Variants in AGO2 observed in about 807,000 individuals in gnomAD.
AGO2 encodes the protein argonaute RISC catalytic component 2.
A neutral mutation model predicts 102.3 loss-of-function variants in AGO2; 5 were observed. The observed-to-expected ratio is 0.05, with a 90% CI of 0.03 to 0.10. The LOEUF is 0.10. Among genes scored for constraint, AGO2 ranks in the 10% least tolerant of loss-of-function variants. The pLI is 1.00. For missense variants in AGO2, 541 were observed against 1,183.7 expected (o/e 0.46, Z 7.97); for synonymous variants, 449 against 473.1 (o/e 0.95, Z 0.66).
upstream of AGO2, among the ~76,000 whole-genome samples, chr8:140,638,514 G>A (rs1167993519): frequency 6.6e-6 from 1 of 152,184 alleles, no homozygotes; most frequent in Non-Finnish European, 1.5e-5. Flanking sequence ...AGGTTCCGTG[G>A]AGCATAATTT....
At chr8:140,630,409 C>T (rs926003717) in intron 1 of AGO2, among the ~76,000 whole-genome samples, 3 of 152,156 alleles carry the variant, frequency 2.0e-5, no homozygotes, top group African/African-American at 7.2e-5. Context: ...GAGGGCCTGG[C>T]GATTTGGTCA....
chr8:140,553,734 T>C (rs908398307), intron 10 of AGO2, among the ~76,000 whole-genome samples: 4 of 151,144 alleles, frequency 2.6e-5, no homozygotes, highest in Non-Finnish European at 2.9e-5. Flanking sequence ...TGTCTCACTC[T>C]GTTGCCCAGG....
intron 1 of AGO2, among the ~76,000 whole-genome samples, chr8:140,604,826 CAA>C (rs5895646): frequency 3.4e-4 from 50 of 147,272 alleles, no homozygotes; most frequent in Admixed American, 4.0e-4. Flanking sequence ...GACTCCATCT[CAA>C]AAAAAAAAAA....
chr8:140,619,388 G>A (rs2074184913), intron 1 of AGO2, among the ~76,000 whole-genome samples: 1 of 152,168 alleles, frequency 6.6e-6, no homozygotes, highest in South Asian at 2.1e-4. Context: ...TAGACGCAAC[G>A]ACACAAGAGA....
rs1050122214 is a variant in AGO2 at position 140,621,439 on chromosome 8, C to T, written c.22+14046G>A. Among the ~76,000 whole-genome samples, 4 of 152,202 alleles carry T rather than the reference C, an allele frequency of 2.6e-5. No individual in the cohort carries two copies. The East Asian group carries it at 7.7e-4, about 29-fold the overall frequency. On this transcript the variant is annotated intron_variant, in intron 1 of 18. Coordinates refer to ENST00000220592, the MANE Select transcript of AGO2 (RefSeq NM_012154.5). ...TGAGCTCGCAAGGCAGAAGCCAAGA[C>T]TGTGTCCATTCACCATTGTCCCCAG...
intron 3 of AGO2, among the ~76,000 whole-genome samples, chr8:140,571,025 C>G (rs2073369715): frequency 1.3e-5 from 2 of 152,180 alleles, no homozygotes; most frequent in African/African-American, 2.4e-5. Flanking sequence ...AAATTAAGCA[C>G]AGAACTTTAA....
intron 16 of AGO2, among the ~76,000 whole-genome samples, chr8:140,538,930 G>A (rs2072743754): frequency 6.6e-6 from 1 of 152,020 alleles, no homozygotes; most frequent in African/African-American, 2.4e-5. Context: ...GTGAGACCCT[G>A]TCTCTACAAA....
At position 140,589,097 on chromosome 8, in the gene AGO2, A is replaced by G. The variant is rs1398857148; in HGVS notation, c.23-3786T>C. On this transcript the variant is annotated intron_variant, in intron 1 of 18. Transcript: ENST00000220592. The surrounding 1 kb of genome is among the most constrained non-coding windows in gnomAD (Gnocchi z 4.2). ...CCTGCAGGAGCAGGCGGTCCCCTGA[A>G]GAAACTCCTTTCGGAGTTGGCTCCT... Among the ~76,000 whole-genome samples the G allele has an allele frequency of 6.6e-6, 1 of 152,248 alleles. No individual in the cohort carries two copies. The highest frequency in any genetic ancestry group is 2.4e-5 in the African/African-American group (1 of 41,472).
chr8:140,556,163 T>G lies in AGO2; in HGVS notation c.1146+4A>C. The G allele has an allele frequency of 1.9e-6, 3 of 1,614,224 alleles. No individual in the cohort carries two copies. Among genetic ancestry groups the G allele is most frequent in the Non-Finnish European group, 2.5e-6 (3 of 1,180,042 alleles). ...GGGCAGCCCTGCCCGGGACTGACAC[T>G]CACCAATTTGCTAATCTCTTCTTGC... On this transcript the variant is annotated splice_donor_region_variant and intron_variant, in intron 9 of 18. Transcript: ENST00000220592.
At chr8:140,599,142 G>A (rs1051511012) in intron 1 of AGO2, among the ~76,000 whole-genome samples, 3 of 152,162 alleles carry the variant, frequency 2.0e-5, no homozygotes, top group Admixed American at 6.5e-5. Flanking sequence ...GGATGCACCC[G>A]CTTGGGAAGC....
At chr8:140,561,684 T>C (rs2073204773) in intron 4 of AGO2, among the ~76,000 whole-genome samples, 1 of 152,236 alleles carries the variant, frequency 6.6e-6, no homozygotes, top group Admixed American at 6.5e-5. Context: ...ATCTTACACA[T>C]GGCCTCAAAG....
At chr8:140,611,333 T>A (rs1046437806) in intron 1 of AGO2, among the ~76,000 whole-genome samples, 1 of 151,520 alleles carries the variant, frequency 6.6e-6, no homozygotes, top group Admixed American at 6.6e-5. Context: ...AGCCTTTGTT[T>A]TTTTTTTTTC....
At chr8:140,535,401 T>G in intron 17 of AGO2, 67 bp downstream of exon 17, 2 of 1,518,710 alleles carry the variant, frequency 1.3e-6, no homozygotes, top group Non-Finnish European at 1.8e-6. Flanking sequence ...AGTGCAAGTG[T>G]TTGCTGAATG....
chr8:140,618,504 A>T (rs1214090807), intron 1 of AGO2, among the ~76,000 whole-genome samples: 1 of 152,080 alleles, frequency 6.6e-6, no homozygotes, highest in Non-Finnish European at 1.5e-5. Flanking sequence ...GAACTATTGT[A>T]AATATACAAA....
chr8:140,558,504 G>A lies in AGO2; in HGVS notation c.859C>T (p.Arg287Trp). The A allele has an allele frequency of 6.2e-7, 1 of 1,614,220 alleles. No individual in the cohort carries two copies. The highest frequency in any genetic ancestry group is 8.5e-7 in the Non-Finnish European group (1 of 1,180,030). The change falls in exon 7 of 19, where the codon CGG (arginine) becomes TGG (tryptophan). Residue 287 changes from arginine (R) to tryptophan (W), a missense_variant. Physicochemically the swap from Arg to Trp is moderately radical, Grantham distance 101 (BLOSUM62 -3). Transcript: ENST00000220592. The stretch of plus-strand genomic sequence containing the variant: ...TGTTACGTTTGGTGACTGGCGGGCC[G>A]CCGGGTCACATTGCAGACGCGGTAC... ...RKYRVCNVTR[R>W]PASHQTFPLQ... is the part of the protein sequence containing the mutation.
intron 11 of AGO2, among the ~76,000 whole-genome samples, chr8:140,551,030 G>C (rs938384302): frequency 6.6e-5 from 10 of 152,158 alleles, no homozygotes; most frequent in Non-Finnish European, 4.4e-5. Context: ...ATTTCCTTCA[G>C]ATCCTGTTTG....
At chr8:140,622,202 C>T (rs531707403) in intron 1 of AGO2, among the ~76,000 whole-genome samples, 3 of 152,202 alleles carry the variant, frequency 2.0e-5, no homozygotes, top group African/African-American at 4.8e-5. Flanking sequence ...TGAGACGGAA[C>T]GCAGATGGGT....
At chr8:140,629,894 A>T (rs1199932909) in intron 1 of AGO2, among the ~76,000 whole-genome samples, 2 of 28,868 alleles carry the variant, frequency 6.9e-5, no homozygotes, top group Non-Finnish European at 1.4e-4. Context: ...AGAGGAGGGG[A>T]GGGGAGGGGA....
chr8:140,572,990 A>T (rs1713351522), intron 2 of AGO2, 58 bp from the exon 3 acceptor site: 3 of 1,560,920 alleles, frequency 1.9e-6, no homozygotes, highest in Non-Finnish European at 2.6e-6. Flanking sequence ...ATGGCATACA[A>T]GGACATTTTT....
Sources: allele counts gnomAD v4.1 joint callset (sites outside exome capture counted in the v4.1 genomes callset), GRCh38; gene constraint gnomAD v4.1.1; non-coding constraint Gnocchi (gnomAD v3.1); transcripts MANE v1.5; gene names NCBI Gene and HGNC (gene_info 2026-07-23, HGNC 2026-07-21).